Variants in RNF180 observed in about 807,000 individuals in gnomAD.
The protein encoded by RNF180 is E3 ubiquitin-protein ligase RNF180.
A neutral mutation model predicts 59.2 loss-of-function variants in RNF180; 38 were observed. The observed-to-expected ratio is 0.64, with a 90% CI of 0.50 to 0.84. The LOEUF (loss-of-function observed/expected upper bound fraction) is 0.84, where lower values mean the gene tolerates loss of function less well. Ranked by LOEUF, RNF180 falls within the 40% of genes least tolerant of loss-of-function variation. The pLI, the probability that RNF180 is intolerant of heterozygous loss-of-function variation, is 0.00. For synonymous variants in RNF180, 262 were observed against 240.3 expected (o/e 1.09, Z -0.84); for missense variants, 705 against 700.9 (o/e 1.01, Z -0.07).
intron 7 of RNF180, among the ~76,000 whole-genome samples, chr5:64,358,598 C>G (rs1211594256): frequency 6.6e-6 from 1 of 151,544 alleles, no homozygotes; most frequent in Non-Finnish European, 1.5e-5. Context: ...AAAGTACAGG[C>G]CCAAGTGGTT....
intron 7 of RNF180, among the ~76,000 whole-genome samples, chr5:64,338,758 T>C (rs1175470166): frequency 6.6e-6 from 1 of 152,190 alleles, no homozygotes. Context: ...TAATTTCTAA[T>C]GCCTGTAGTT....
Position 64,338,222 on chromosome 5 carries a change from T to C in RNF180, c.1579+7816T>C, listed in dbSNP as rs569022227. 3.3e-5 allele frequency among the ~76,000 whole-genome samples: 5 copies of C among 152,302 alleles called. No homozygotes were observed. In the South Asian group the frequency reaches 1.0e-3, roughly 32 times the overall value. Reference sequence around the variant, plus strand: ...TGAAGACAATATTAAATAAGGACAATTTTATATCTTTCAATTTAATGCATA... The same window carrying C: ...TGAAGACAATATTAAATAAGGACAACTTTATATCTTTCAATTTAATGCATA... On this transcript the variant is annotated intron_variant, in intron 7 of 7. Coordinates refer to ENST00000389100, the MANE Select transcript of RNF180 (RefSeq NM_001113561.2).
intron 5 of RNF180, among the ~76,000 whole-genome samples, chr5:64,305,623 C>T (rs1743403962): frequency 6.6e-6 from 1 of 151,548 alleles, no homozygotes; most frequent in African/African-American, 2.4e-5. Flanking sequence ...GTCACTGCCA[C>T]ATATTTCAGA....
chr5:64,314,064 T>C lies in RNF180; in HGVS notation c.1228-11122T>C, dbSNP rs1359309949. ...GCATATTAAACCTTTGCTGGATGCATAGTTTGAAAATACTTTGCCCCATTC... is the reference window on the plus strand; with the variant it reads ...GCATATTAAACCTTTGCTGGATGCACAGTTTGAAAATACTTTGCCCCATTC... On this transcript the variant is annotated intron_variant, in intron 5 of 7. Coordinates refer to ENST00000389100, the MANE Select transcript of RNF180 (RefSeq NM_001113561.2). Among the ~76,000 whole-genome samples, 7 of 152,272 alleles carry C rather than the reference T, an allele frequency of 4.6e-5. No homozygotes were observed. The East Asian group carries it at 1.4e-3, about 29-fold the overall frequency.
At chr5:64,253,634 G>A (rs1743732494) in intron 5 of RNF180, among the ~76,000 whole-genome samples, 3 of 152,042 alleles carry the variant, frequency 2.0e-5, no homozygotes, top group African/African-American at 7.2e-5. Context: ...AGACAATAGA[G>A]TCTCAGGAGT....
intron 5 of RNF180, among the ~76,000 whole-genome samples, chr5:64,256,794 G>T (rs1174251516): frequency 6.6e-6 from 1 of 152,174 alleles, no homozygotes; most frequent in Non-Finnish European, 1.5e-5. Flanking sequence ...ACCTTGGGCA[G>T]TATGGCCACT....
intron 1 of RNF180, among the ~76,000 whole-genome samples, chr5:64,186,463 G>A (rs1332535939): frequency 6.6e-6 from 1 of 152,060 alleles, no homozygotes; most frequent in Non-Finnish European, 1.5e-5. Flanking sequence ...TTATTTAGAT[G>A]TTTTCCTTTG....
intron 3 of RNF180, among the ~76,000 whole-genome samples, chr5:64,212,393 TATA>T (rs1298239059): frequency 6.6e-6 from 1 of 151,860 alleles, no homozygotes; most frequent in Admixed American, 6.6e-5. Flanking sequence ...TACTTTTAAA[TATA>T]CAGAAGCATA....
chr5:64,189,973 G>A (rs1262825808), intron 1 of RNF180, among the ~76,000 whole-genome samples: 1 of 152,200 alleles, frequency 6.6e-6, no homozygotes, highest in African/African-American at 2.4e-5. Flanking sequence ...AGATGATACA[G>A]AGATGCCTCC....
At chr5:64,291,207 C>T (rs997174283) in intron 5 of RNF180, among the ~76,000 whole-genome samples, 2 of 152,058 alleles carry the variant, frequency 1.3e-5, no homozygotes, top group Non-Finnish European at 2.9e-5. Context: ...TCTGCTGTTA[C>T]TCTGATGGGT....
chr5:64,189,891 T>C (rs568209353), intron 1 of RNF180, among the ~76,000 whole-genome samples: 45 of 152,272 alleles, frequency 3.0e-4, no homozygotes, highest in Non-Finnish European at 5.3e-4. Flanking sequence ...CTTCTGGGAT[T>C]CTACAGAAAA....
intron 5 of RNF180, among the ~76,000 whole-genome samples, chr5:64,322,119 C>T (rs530610616): frequency 7.9e-5 from 12 of 152,176 alleles, no homozygotes; most frequent in East Asian, 5.8e-4. Flanking sequence ...ATTATGAAAA[C>T]GCCAAAAGCA....
At chr5:64,322,585 AACGGAATATATATATACGTGTGTGT>A (rs1331367436) in intron 5 of RNF180, among the ~76,000 whole-genome samples, 8 of 148,358 alleles carry the variant, frequency 5.4e-5, no homozygotes, top group African/African-American at 2.0e-4. Context: ...ATATATATAT[AACGGAATATATATATACGTGTGTGT>A]GTGTGTGTGT....
rs1746592297 is a variant in RNF180 at position 64,369,695 on chromosome 5, G to A, written c.1660G>A (p.Asp554Asn). Residue 554 changes from aspartate (D) to asparagine (N), a missense_variant, in exon 8 of 8, where the codon GAT (aspartate) becomes AAT (asparagine). Physicochemically the swap from Asp to Asn is conservative, Grantham distance 23. Transcript: ENST00000389100. ...AHRMDYLHFEDDSRGWWFDMD... is the reference protein window; with the variant it reads ...AHRMDYLHFENDSRGWWFDMD... ...CAGGATGGATTACCTGCACTTTGAG[G>A]ATGATAGCCGTGGATGGTGGTTTGA... 1 of 1,548,106 alleles carries A rather than the reference G, an allele frequency of 6.5e-7. No homozygotes were observed. Among genetic ancestry groups the A allele is most frequent in the African/African-American group, 1.4e-5 (1 of 72,782 alleles).
intron 5 of RNF180, among the ~76,000 whole-genome samples, chr5:64,245,910 G>C (rs558779659): frequency 6.6e-6 from 1 of 151,982 alleles, no homozygotes; most frequent in South Asian, 2.1e-4. Context: ...AAATCATAAC[G>C]AACAGTCTCT....
chr5:64,286,013 C>T (rs116009681), intron 5 of RNF180, among the ~76,000 whole-genome samples: 44 of 152,180 alleles, frequency 2.9e-4, no homozygotes, highest in African/African-American at 6.5e-4. Context: ...CCTGCTCAAC[C>T]CCCCCTTCCC....
intron 5 of RNF180, among the ~76,000 whole-genome samples, chr5:64,228,347 T>C (rs1741898547): frequency 6.6e-6 from 1 of 151,970 alleles, no homozygotes; most frequent in Admixed American, 6.5e-5. Context: ...GACCCCCATC[T>C]CTACAAAAAA....
intron 7 of RNF180, among the ~76,000 whole-genome samples, chr5:64,355,502 G>A (rs149522399): frequency 6.6e-6 from 1 of 151,886 alleles, no homozygotes; most frequent in Non-Finnish European, 1.5e-5. Context: ...GCCATCTACA[G>A]ATTTAACACA....
At position 64,369,987 on chromosome 5, in the gene RNF180, C is replaced by A; in HGVS notation, c.*173C>A. 2.2e-6 allele frequency: 1 copy of A among 463,506 alleles called. No individual in the cohort carries two copies. Among genetic ancestry groups the A allele is most frequent in the Non-Finnish European group, 3.8e-6 (1 of 265,746 alleles). 28.7% of individuals were successfully genotyped at this position (463,506 alleles called of 1,614,324 possible). ...TTATTAATGTTTTTCATGTAACAAA[C>A]TAAACTTTATTCAAGAGCTAACCTA... On this transcript the variant is annotated 3_prime_UTR_variant, in exon 8 of 8. Transcript: ENST00000389100.
Sources: allele counts gnomAD v4.1 joint callset (sites outside exome capture counted in the v4.1 genomes callset), GRCh38; gene constraint gnomAD v4.1.1; transcripts MANE v1.5; gene names NCBI Gene and HGNC (gene_info 2026-07-23, HGNC 2026-07-21).